DLG2: variants seen among roughly 807,000 people sequenced by gnomAD.
The protein encoded by DLG2 is disks large homolog 2.
Under a neutral mutation model 132.5 loss-of-function variants are expected in DLG2, and 45 were observed. The ratio of observed to expected loss-of-function variants is 0.34; its 90% CI spans 0.27 to 0.44. The LOEUF is 0.44. Among genes scored for constraint, DLG2 ranks in the 20% least tolerant of loss-of-function variants. DLG2 has a pLI of 1.00. For synonymous variants in DLG2, 424 were observed against 419.6 expected, an observed-to-expected ratio of 1.01 and a Z score of -0.13; for missense variants, 1,045 against 1,196.9, an observed-to-expected ratio of 0.87 and a Z score of 1.87.
In DLG2 at chr11:85,554,738, A is replaced by AATCTT. The variant is rs1491291384; in HGVS notation, c.40+43918_40+43919insAAGAT. Among the ~76,000 whole-genome samples, 1,397 of 151,926 alleles carry AATCTT rather than the reference A, an allele frequency of 9.2e-3. 25 individuals are homozygous for AATCTT. The highest frequency in any genetic ancestry group is 0.03 in the African/African-American group (1,245 of 41,502). On this transcript the variant is annotated intron_variant, in intron 3 of 27. Coordinates refer to ENST00000376104, the MANE Select transcript of DLG2 (RefSeq NM_001142699.3). ...CCCTTCTATGATCGTTTATTGCACCAGAGGTCACAAGATTTGCAACTTCCC... is the reference window on the plus strand; with the variant it reads ...CCCTTCTATGATCGTTTATTGCACCAATCTTGAGGTCACAAGATTTGCAACTTCCC...
At chr11:84,763,630 A>G (rs2067968847) in intron 6 of DLG2, among the ~76,000 whole-genome samples, 1 of 152,142 alleles carries the variant, frequency 6.6e-6, no homozygotes, top group Non-Finnish European at 1.5e-5. Flanking sequence ...GTCCCCTGAC[A>G]TGCCACTGCT....
Position 85,175,346 on chromosome 11 carries a change from TA to T in DLG2, c.187-20696del, listed in dbSNP as rs146568201. ...AAATCAATAAATGTGATTCATCACA[TA>T]AACAGAACTAAAGAAACCACGTGAT... On this transcript the variant is annotated intron_variant, in intron 4 of 27. Transcript: ENST00000376104. Among the ~76,000 whole-genome samples the T allele has an allele frequency of 9.4e-3, 1,434 of 152,260 alleles. 20 individuals carry two copies. The highest frequency in any genetic ancestry group is 0.031 in the African/African-American group (1,295 of 41,546).
intron 14 of DLG2, 112 bp downstream of exon 14, chr11:83,962,773 A>G (rs1179387823): frequency 2.9e-6 from 4 of 1,360,652 alleles, no homozygotes; most frequent in Admixed American, 2.0e-5. Context: ...ATAAGGTTGA[A>G]TGGGACCCAG....
intron 3 of DLG2, among the ~76,000 whole-genome samples, chr11:85,487,910 T>C (rs2093466626): frequency 6.6e-6 from 1 of 152,182 alleles, no homozygotes; most frequent in Non-Finnish European, 1.5e-5. Context: ...CCAAATCTCA[T>C]CTTGGACTGT....
At chr11:84,412,392 T>C (rs185784221) in intron 7 of DLG2, among the ~76,000 whole-genome samples, 27 of 152,072 alleles carry the variant, frequency 1.8e-4, no homozygotes, top group Admixed American at 5.2e-4. Flanking sequence ...TTCTACACTA[T>C]TGACATATAG....
intron 3 of DLG2, among the ~76,000 whole-genome samples, chr11:85,486,397 TG>T (rs2093430299): frequency 6.6e-6 from 1 of 152,168 alleles, no homozygotes; most frequent in Non-Finnish European, 1.5e-5. Context: ...ACCAGTACAC[TG>T]GAAATCACCC....
At chr11:84,524,747 T>A (rs920161521) in intron 7 of DLG2, among the ~76,000 whole-genome samples, 61 of 152,150 alleles carry the variant, frequency 4.0e-4, no homozygotes, top group Non-Finnish European at 7.5e-4. Flanking sequence ...TCAGTGGTAT[T>A]ATTAAAAACA....
At chr11:83,517,349 C>T (rs1213499997) in intron 21 of DLG2, among the ~76,000 whole-genome samples, 2 of 152,208 alleles carry the variant, frequency 1.3e-5, no homozygotes, top group Non-Finnish European at 2.9e-5. Flanking sequence ...ACGTAGTTCT[C>T]ATGCTGTGGT....
chr11:83,790,836 A>G, intron 17 of DLG2: 2 of 752,556 alleles, frequency 2.7e-6, no homozygotes, highest in East Asian at 2.4e-5. Flanking sequence ...AGAGACTTCC[A>G]TGGTAGAAGA....
intron 19 of DLG2, among the ~76,000 whole-genome samples, chr11:83,569,920 T>C (rs1453358686): frequency 7.2e-5 from 11 of 152,342 alleles, no homozygotes; most frequent in Middle Eastern, 3.4e-3. Context: ...GACAGCTCCA[T>C]GGGACTAGCT....
chr11:85,567,716 A>G (rs1466190582), intron 3 of DLG2, among the ~76,000 whole-genome samples: 1 of 152,122 alleles, frequency 6.6e-6, no homozygotes, highest in Non-Finnish European at 1.5e-5. Context: ...CTTAGGAGGA[A>G]AGCTTTCCGT....
chr11:85,598,637 A>G lies in DLG2; in HGVS notation c.40+20T>C, dbSNP rs2079947875. On this transcript the variant is annotated intron_variant, in intron 3 of 27. Transcript: ENST00000376104. ...CCAATTCTGACCATTAAAATGATGAATAACTTTCATAATACATACCTAGCA... is the reference window on the plus strand; with the variant it reads ...CCAATTCTGACCATTAAAATGATGAGTAACTTTCATAATACATACCTAGCA... 6.5e-7 allele frequency: 1 copy of G among 1,526,752 alleles called. No individual in the cohort carries two copies. 94.6% of individuals were successfully genotyped at this position (1,526,752 alleles called of 1,614,324 possible).
At chr11:83,696,801 A>G (rs2082027561) in intron 18 of DLG2, among the ~76,000 whole-genome samples, 1 of 152,230 alleles carries the variant, frequency 6.6e-6, no homozygotes, top group Non-Finnish European at 1.5e-5. Context: ...CCTAACATGA[A>G]GGACTTCGTA....
intron 6 of DLG2, among the ~76,000 whole-genome samples, chr11:84,653,087 G>A (rs546482619): frequency 9.1e-4 from 138 of 151,978 alleles, no homozygotes; most frequent in Middle Eastern, 3.4e-3. Flanking sequence ...GCGTCATCAC[G>A]CCCGGATAAT....
At chr11:84,858,318 G>C (rs2083072350) in intron 6 of DLG2, among the ~76,000 whole-genome samples, 1 of 151,642 alleles carries the variant, frequency 6.6e-6, no homozygotes, top group South Asian at 2.1e-4. Flanking sequence ...GTGCAAGTCT[G>C]ATTTTAAAAA....
intron 7 of DLG2, among the ~76,000 whole-genome samples, chr11:84,494,846 C>G (rs1382411895): frequency 1.3e-5 from 2 of 152,124 alleles, no homozygotes; most frequent in Admixed American, 1.3e-4. Context: ...CCAAAAGGAG[C>G]CTCCCTGCCC....
chr11:84,584,695 T>A lies in DLG2; in HGVS notation c.358-49964A>T. 1.5e-5 allele frequency among the ~76,000 whole-genome samples: 2 copies of A among 129,920 alleles called. 1 individual carries two copies. The highest frequency in any genetic ancestry group is 3.3e-5 in the Non-Finnish European group (2 of 61,414). The allele number at this position is 129,920 out of a possible 152,430, so 85.2% of individuals were successfully genotyped here. On this transcript the variant is annotated intron_variant, in intron 6 of 27. Transcript: ENST00000376104. ...ATTCCTTTTTTTTTTTTTTTTTTTTTTTTTTTTTTTTGAGACGGAGTCTCG... is the reference window on the plus strand; with the variant it reads ...ATTCCTTTTTTTTTTTTTTTTTTTTATTTTTTTTTTTGAGACGGAGTCTCG...
chr11:85,376,667 T>C (rs1213533167), intron 3 of DLG2, among the ~76,000 whole-genome samples: 1 of 152,208 alleles, frequency 6.6e-6, no homozygotes, highest in African/African-American at 2.4e-5. Context: ...TATTCCCTAC[T>C]GTAAGTACAG....
intron 21 of DLG2, among the ~76,000 whole-genome samples, chr11:83,489,201 G>C (rs755340788): frequency 2.0e-5 from 3 of 151,894 alleles, no homozygotes; most frequent in Admixed American, 6.6e-5. Flanking sequence ...TCCCTCAAAT[G>C]AATCAGAATC....
Sources: gnomAD v4.1 joint callset for allele counts (sites outside exome capture counted in the v4.1 genomes callset) on GRCh38, gnomAD v4.1.1 for gene constraint, MANE v1.5 for transcripts, NCBI Gene and HGNC (gene_info 2026-07-23, HGNC 2026-07-21) for gene names.